OTOS: variants seen among roughly 807,000 people sequenced by gnomAD.
The protein encoded by OTOS is otospiralin.
Under a neutral mutation model 12.5 loss-of-function variants are expected in OTOS, and 14 were observed. That is an observed-to-expected ratio of 1.12 (90% CI 0.74 to 1.76). The LOEUF (loss-of-function observed/expected upper bound fraction) is 1.76, where lower values mean the gene tolerates loss of function less well. Ranked by LOEUF, OTOS falls within the 40% of genes most tolerant of loss-of-function variation. OTOS has a pLI of 0.00. For synonymous variants in OTOS, 49 were observed against 47.6 expected (o/e 1.03, Z -0.12); for missense variants, 141 against 112.8 (o/e 1.25, Z -1.13).
rs780380559 is a variant in OTOS at position 240,140,021 on chromosome 2, T to C, written c.85+41A>G. ...GCAGTTTCTCCCCGCTGCATACCAG[T>C]TACTTATGCAAATGAAAGGAAAGAA... On this transcript the variant is annotated intron_variant, in intron 3 of 3. Transcript: ENST00000319460. 12 of 1,606,502 alleles carry C rather than the reference T, an allele frequency of 7.5e-6. No individual in the cohort carries two copies. The African/African-American group carries it at 9.4e-5, about 13-fold the overall frequency.
chr2:240,139,867 G>A (rs1261095362), intron 3 of OTOS, among the ~76,000 whole-genome samples, 195 bp downstream of exon 3: 1 of 152,090 alleles, frequency 6.6e-6, no homozygotes, highest in Non-Finnish European at 1.5e-5. Flanking sequence ...CAGCTGGAAG[G>A]AGCTCATAGA....
chr2:240,139,774 G>A (rs1331710609), intron 3 of OTOS, among the ~76,000 whole-genome samples: 2 of 152,204 alleles, frequency 1.3e-5, no homozygotes, highest in African/African-American at 4.8e-5. Flanking sequence ...TGGAACCCAG[G>A]TCTGATAGTG....
chr2:240,140,153 C>T, intron 2 of OTOS, 65 bp from the exon 3 acceptor site: 1 of 1,606,044 alleles, frequency 6.2e-7, no homozygotes, highest in Non-Finnish European at 8.5e-7. Context: ...GCCCACCCGA[C>T]ACCAGCTGCA....
Position 240,140,321 on chromosome 2 carries a change from C to A in OTOS, c.6G>T (p.Gln2His). M[Q>H]ACMVPGLALC... ...GGGCCAGCCCCGGCACCATGCAGGC[C>A]TGCATCTTCCCGGTGCTTCCTGATC... is the stretch of plus-strand genomic sequence containing the variant. Residue 2 changes from glutamine (Q) to histidine (H), a missense_variant, in exon 2 of 4, where the codon CAG becomes CAT. Physicochemically the swap from Gln to His is conservative, Grantham distance 24. Coordinates refer to ENST00000319460, the MANE Select transcript of OTOS (RefSeq NM_148961.4). 2 of 1,590,530 alleles carry A rather than the reference C, an allele frequency of 1.3e-6. No individual in the cohort carries two copies. Among genetic ancestry groups the A allele is most frequent in the Admixed American group, 1.8e-5 (1 of 57,114 alleles).
rs2072027049 is a variant in OTOS at position 240,139,056 on chromosome 2, C to T, written c.*114G>A. On this transcript the variant is annotated 3_prime_UTR_variant, in exon 4 of 4. Transcript: ENST00000319460. ...CATCTTCAGTCCGGAGTTTATTGAG[C>T]GTGAGACCAGGCCTGACTCCTGCAG... The T allele has an allele frequency of 5.3e-6, 6 of 1,129,366 alleles. No individual in the cohort carries two copies. The highest frequency in any genetic ancestry group is 3.3e-5 in the South Asian group (2 of 60,830). The allele number at this position is 1,129,366 out of a possible 1,614,324, so 70.0% of individuals were successfully genotyped here.
At position 240,140,305 on chromosome 2, in the gene OTOS, C is replaced by A; in HGVS notation, c.22G>T (p.Gly8Trp). MQACMVP[G>W]LALCLLLGPL... ...CCCAGTAGGAGGCAGAGGGCCAGCC[C>A]CGGCACCATGCAGGCCTGCATCTTC... is the stretch of plus-strand genomic sequence containing the variant. Residue 8 changes from glycine to tryptophan, a missense_variant, in exon 2 of 4, where the codon GGG becomes TGG. Physicochemically the swap from Gly to Trp is radical, Grantham distance 184. Transcript: ENST00000319460. 2.5e-6 allele frequency: 4 copies of A among 1,595,970 alleles called. No individual in the cohort carries two copies. The highest frequency in any genetic ancestry group is 3.4e-6 in the Non-Finnish European group (4 of 1,171,218).
chr2:240,139,251 G>T lies in OTOS; in HGVS notation c.189C>A (p.Ile63=), dbSNP rs201842572. ...CAAAGAAGGTTCGGGCCATGTCCTC[G>T]ATCTGGGGGTAGGCCCCCAGGGCCT... ...HFQALGAYPQ[I]EDMARTFFAH... Residue 63 remains isoleucine, a synonymous_variant, in exon 4 of 4, where the codon ATC becomes ATA. Transcript: ENST00000319460. 1.9e-6 allele frequency: 3 copies of T among 1,614,194 alleles called. No homozygotes were observed. The highest frequency in any genetic ancestry group is 3.3e-5 in the Admixed American group (2 of 60,022).
chr2:240,140,211 A>T, intron 2 of OTOS, 58 bp downstream of exon 2: 2 of 1,587,204 alleles, frequency 1.3e-6, no homozygotes, highest in Non-Finnish European at 1.7e-6. Context: ...GGGAGGGGAG[A>T]GAACAGGAGG....
chr2:240,139,631 T>A (rs928090016), intron 3 of OTOS, among the ~76,000 whole-genome samples: 2 of 152,182 alleles, frequency 1.3e-5, no homozygotes, highest in Admixed American at 6.5e-5. Context: ...AGCAGCCACC[T>A]GCTGGGATTT....
In OTOS at chr2:240,140,572, T is replaced by G. The variant is rs2072048163; in HGVS notation, c.-119+48A>C. The G allele has an allele frequency of 3.8e-6, 2 of 523,044 alleles. 1 individual carries two copies. The highest frequency in any genetic ancestry group is 6.4e-5 in the East Asian group (2 of 31,114). 32.4% of individuals were successfully genotyped at this position (523,044 alleles called of 1,614,324 possible). A position where few individuals can be genotyped will look rare whatever the true frequency, so the allele number is the denominator to read the frequency against. ...TCAATTGGCCTTAATTCCCATGACT[T>G]AAGAAATTGCACCCCCCTCCACTCT... On this transcript the variant is annotated intron_variant, in intron 1 of 3. Transcript: ENST00000319460.
chr2:240,140,268 C>T lies in OTOS; in HGVS notation c.58+1G>A, dbSNP rs763919567. 1.9e-6 allele frequency: 3 copies of T among 1,593,926 alleles called. No homozygotes were observed. The East Asian group carries it at 6.8e-5, about 36-fold the overall frequency. On this transcript the variant is annotated splice_donor_variant, in intron 2 of 3. Transcript: ENST00000319460. LOFTEE classifies it high-confidence loss of function. ...TGCCTCCCTCCAGAGCGGCCCCTCA[C>T]CTGCAAGAGGCCCCAGTAGGAGGCA...
chr2:240,139,392 C>T, intron 3 of OTOS, 38 bp from the exon 4 acceptor site: 1 of 1,581,262 alleles, frequency 6.3e-7, no homozygotes, highest in Non-Finnish European at 8.6e-7. Context: ...GGGCTGTCCC[C>T]ATGGTCCTGC....
rs954021694 is a variant in OTOS, at chr2:240,140,472, A to G, written c.-118-28T>C. The G allele has an allele frequency of 1.8e-5, 14 of 776,728 alleles. No individual in the cohort carries two copies. The Middle Eastern group carries it at 7.2e-4, about 40-fold the overall frequency. The allele number at this position is 776,728 out of a possible 1,614,324, so 48.1% of individuals were successfully genotyped here. On this transcript the variant is annotated intron_variant, in intron 1 of 3. Coordinates refer to ENST00000319460, the MANE Select transcript of OTOS (RefSeq NM_148961.4). ...GGGGAAAATGGCATGGATTTAAAAA[A>G]AAAATTCTTACTGTTTTCCTAGCAA... is the stretch of plus-strand genomic sequence containing the variant.
rs1345986727 is a variant in OTOS, at chr2:240,139,361, G to A, written c.86-7C>T. 3 of 1,606,978 alleles carry A rather than the reference G, an allele frequency of 1.9e-6. No homozygotes were observed. ...GGCAGCTCCGCGTAAGGGTCTGAAA[G>A]ACACAAGACACCTGCCTTGGGGGCT... On this transcript the variant is annotated splice_polypyrimidine_tract_variant and splice_region_variant and intron_variant, in intron 3 of 3. Transcript: ENST00000319460.
At chr2:240,139,837 G>A (rs562242536) in intron 3 of OTOS, among the ~76,000 whole-genome samples, 3 of 152,246 alleles carry the variant, frequency 2.0e-5, no homozygotes, top group South Asian at 4.1e-4. Flanking sequence ...GTGTTCCCTG[G>A]TGGCTGGAGG....
At position 240,140,071 on chromosome 2, in the gene OTOS, C is replaced by G. The variant is rs1175599936; in HGVS notation, c.76G>C (p.Glu26Gln). The G allele has an allele frequency of 1.2e-6, 2 of 1,613,586 alleles. No individual in the cohort carries two copies. The highest frequency in any genetic ancestry group is 2.2e-5 in the South Asian group (2 of 90,990). ...AATTGGAGAACGGTACCTCCTTCCT[C>G]CTGCACAGGCTTGGCCCCTGCAAAG... is the stretch of plus-strand genomic sequence containing the variant. ...GPLAGAKPVQ[E>Q]EGDPYAELPA... is the part of the protein sequence containing the mutation. The change falls in exon 3 of 4, where the codon GAG (glutamate) becomes CAG (glutamine). Residue 26 changes from glutamate to glutamine, a missense_variant. By Grantham distance (29) the Glu-to-Gln change is conservative (BLOSUM62 2). Coordinates refer to ENST00000319460, the MANE Select transcript of OTOS (RefSeq NM_148961.4).
rs373053373 is a variant in OTOS at position 240,139,139 on chromosome 2, C to A, written c.*31G>T. 2 of 1,597,980 alleles carry A rather than the reference C, an allele frequency of 1.3e-6. No homozygotes were observed. Among genetic ancestry groups the A allele is most frequent in the African/African-American group, 1.3e-5 (1 of 74,762 alleles). ...GGAGGCCCGACCGAGTGCAGCCTGG[C>A]GGGGTGGGCGGGCACCAGGCTGGAC... On this transcript the variant is annotated 3_prime_UTR_variant, in exon 4 of 4. Transcript: ENST00000319460.
intron 2 of OTOS, 59 bp downstream of exon 2, chr2:240,140,210 G>A: frequency 6.3e-7 from 1 of 1,586,458 alleles, no homozygotes; most frequent in Non-Finnish European, 8.6e-7. Flanking sequence ...CGGGAGGGGA[G>A]AGAACAGGAG....
rs1346455351 is a variant in OTOS, at chr2:240,140,047, A to G, written c.85+15T>C. 1.9e-6 allele frequency: 3 copies of G among 1,612,800 alleles called. No individual in the cohort carries two copies. The South Asian group carries it at 3.3e-5, about 18-fold the overall frequency. ...TACTTATGCAAATGAAAGGAAAGAA[A>G]TTGGAGAACGGTACCTCCTTCCTCC... On this transcript the variant is annotated intron_variant, in intron 3 of 3. Transcript: ENST00000319460.
Sources: gnomAD v4.1 joint callset for allele counts (sites outside exome capture counted in the v4.1 genomes callset) on GRCh38, gnomAD v4.1.1 for gene constraint, MANE v1.5 for transcripts, NCBI Gene and HGNC (gene_info 2026-07-23, HGNC 2026-07-21) for gene names.